PACS2: variants seen among roughly 807,000 people sequenced by gnomAD.
The protein encoded by PACS2 is PACS1-like protein.
In PACS2, 36 loss-of-function variants were observed where a neutral mutation model predicts 113.0. That is an observed-to-expected ratio of 0.32 (90% confidence interval 0.24 to 0.42). The LOEUF (loss-of-function observed/expected upper bound fraction) is 0.42. Ranked by LOEUF, PACS2 falls within the 10% of genes least tolerant of loss-of-function variation. The pLI, the probability that PACS2 is intolerant of heterozygous loss-of-function variation, is 1.00. For missense variants in PACS2, 1,015 were observed against 1,239.5 expected (o/e 0.82, Z 2.72); for synonymous variants, 589 against 536.1 (o/e 1.10, Z -1.36).
intron 1 of PACS2, chr14:105,336,560 G>A (rs2059529475): frequency 6.6e-6 from 1 of 152,606 alleles, no homozygotes; most frequent in African/African-American, 2.4e-5. Flanking sequence ...GACAGGGCTG[G>A]GGCAGGCGGC....
chr14:105,386,850 G>A (rs1052331198), intron 19 of PACS2, among the ~76,000 whole-genome samples: 6 of 152,298 alleles, frequency 3.9e-5, no homozygotes, highest in East Asian at 1.9e-4. Flanking sequence ...AAGACCAGCC[G>A]TGGGGGCCTC....
Position 105,357,385 on chromosome 14 carries a change from G to A in PACS2, c.423+2208G>A, listed in dbSNP as rs1393746219. ...GTTCCAGTGCCCTGCCCCTGAGCCT[G>A]TGGCCCCCACCCCAAGGCTCCCTCG... is the stretch of plus-strand genomic sequence containing the variant. On this transcript the variant is annotated intron_variant, in intron 4 of 24. Transcript: ENST00000447393. This position sits in a 1 kb window ranked among gnomAD's most constrained non-coding sequence, Gnocchi z 5.1. 2.0e-5 allele frequency among the ~76,000 whole-genome samples: 3 copies of A among 151,982 alleles called. No homozygotes were observed. Among genetic ancestry groups the A allele is most frequent in the Non-Finnish European group, 4.4e-5 (3 of 68,018 alleles).
intron 8 of PACS2, among the ~76,000 whole-genome samples, chr14:105,374,154 C>CA (rs113355593): frequency 0.12 from 9,823 of 81,436 alleles, 688 homozygotes; most frequent in African/African-American, 0.27. Context: ...GACTCTGTCT[C>CA]AAAAAAAAAA....
intron 8 of PACS2, chr14:105,371,601 C>G (rs1555409408): frequency 6.6e-6 from 1 of 152,154 alleles, no homozygotes. Context: ...CTGAAAAGAC[C>G]AGACCATCTC....
At chr14:105,307,952 G>A (rs373674611) in intron 1 of PACS2, among the ~76,000 whole-genome samples, 3 of 152,218 alleles carry the variant, frequency 2.0e-5, no homozygotes, top group Admixed American at 2.0e-4. Flanking sequence ...GGAGGCAGAG[G>A]TGGGAGGATA....
In PACS2 at chr14:105,391,869, T is replaced by G; in HGVS notation, c.2255+103T>G. On this transcript the variant is annotated intron_variant, in intron 22 of 24. Coordinates refer to ENST00000447393, the MANE Select transcript of PACS2 (RefSeq NM_001100913.3). ...TGTCACATCCACCTCCCAGGGCACCTGGCCTGTCAGCCACGAAGGCGGAGG... is the reference window on the plus strand; with the variant it reads ...TGTCACATCCACCTCCCAGGGCACCGGGCCTGTCAGCCACGAAGGCGGAGG... 3.2e-6 allele frequency: 4 copies of G among 1,244,656 alleles called. No homozygotes were observed. The East Asian group carries it at 1.1e-4, about 34-fold the overall frequency. 77.1% of individuals were successfully genotyped at this position (1,244,656 alleles called of 1,614,324 possible).
At chr14:105,383,197 T>G in intron 15 of PACS2, 162 bp from the exon 16 acceptor site, 1 of 812,978 alleles carries the variant, frequency 1.2e-6, no homozygotes, top group Non-Finnish European at 2.1e-6. Flanking sequence ...CCTGGGCACG[T>G]TTGGGCATGT....
At chr14:105,331,439 C>T (rs587703359) in intron 1 of PACS2, among the ~76,000 whole-genome samples, 2 of 152,184 alleles carry the variant, frequency 1.3e-5, no homozygotes, top group Admixed American at 1.3e-4. Context: ...ATTTTTGAGA[C>T]AGGTTCTCAC....
In PACS2 at chr14:105,382,803, C is replaced by T; in HGVS notation, c.1519-4C>T. 3 of 1,574,134 alleles carry T rather than the reference C, an allele frequency of 1.9e-6. No individual in the cohort carries two copies. The highest frequency in any genetic ancestry group is 1.7e-6 in the Non-Finnish European group (2 of 1,152,936). On this transcript the variant is annotated splice_polypyrimidine_tract_variant and splice_region_variant and intron_variant, in intron 14 of 24. Coordinates refer to ENST00000447393, the MANE Select transcript of PACS2 (RefSeq NM_001100913.3). ...GAAGTCAGCGTCTGCCTGTCTTCTG[C>T]CAGTTCCTCTCCGACGTCCTGCAGA...
In PACS2 at chr14:105,393,372, C is replaced by T. The variant is rs200682457; in HGVS notation, c.2596+37C>T. ...CGGCCCCGGGGTCTGTAGAGTGGGA[C>T]GTAGGTGAGAGCACAGCAAGGCTGC... On this transcript the variant is annotated intron_variant, in intron 24 of 24. Coordinates refer to ENST00000447393, the MANE Select transcript of PACS2 (RefSeq NM_001100913.3). The T allele has an allele frequency of 3.1e-5, 44 of 1,436,244 alleles. No individual in the cohort carries two copies. The East Asian group carries it at 7.7e-4, about 25-fold the overall frequency. 89.0% of individuals were successfully genotyped at this position (1,436,244 alleles called of 1,614,324 possible).
intron 11 of PACS2, among the ~76,000 whole-genome samples, chr14:105,380,661 C>G (rs1248010148): frequency 6.6e-6 from 1 of 152,206 alleles, no homozygotes; most frequent in African/African-American, 2.4e-5. Context: ...CCCAGGAACG[C>G]CTGGTTCCCC....
chr14:105,345,554 T>G (rs1555402451), intron 1 of PACS2, among the ~76,000 whole-genome samples: 1 of 152,252 alleles, frequency 6.6e-6, no homozygotes, highest in African/African-American at 2.4e-5. Context: ...TACATTCCAT[T>G]CAGAGTGTTC....
intron 20 of PACS2, 66 bp from the exon 21 acceptor site, chr14:105,391,141 C>T: frequency 7.8e-7 from 1 of 1,289,246 alleles, no homozygotes; most frequent in Non-Finnish European, 1.1e-6. Flanking sequence ...GCGGGAGCCC[C>T]ACTGGGAGGG....
chr14:105,369,518 T>G (rs1221775637), intron 7 of PACS2, among the ~76,000 whole-genome samples: 4 of 152,172 alleles, frequency 2.6e-5, no homozygotes, highest in African/African-American at 7.2e-5. Flanking sequence ...ACCTTCCTTC[T>G]GGGGTCGGCC....
chr14:105,338,148 T>C (rs868916562), intron 1 of PACS2, among the ~76,000 whole-genome samples: 3 of 151,710 alleles, frequency 2.0e-5, no homozygotes, highest in South Asian at 2.1e-4. Context: ...AGCGGGGGAG[T>C]GACCTGCGGA....
At chr14:105,352,940 T>C (rs1406025041) in intron 3 of PACS2, among the ~76,000 whole-genome samples, 57 of 32,448 alleles carry the variant, frequency 1.8e-3, no homozygotes, top group Admixed American at 7.9e-3. Context: ...TGGGCCCCCC[T>C]CATCAGTGTC....
At chr14:105,342,268 GTGTC>G (rs1371526515) in intron 1 of PACS2, among the ~76,000 whole-genome samples, 2 of 151,054 alleles carry the variant, frequency 1.3e-5, no homozygotes, top group African/African-American at 4.9e-5. Context: ...GTGTGTGTGT[GTGTC>G]TATGTGTGAG....
intron 14 of PACS2, 110 bp from the exon 15 acceptor site, chr14:105,382,697 C>A: frequency 1.1e-6 from 1 of 932,728 alleles, no homozygotes; most frequent in Non-Finnish European, 1.7e-6. Flanking sequence ...CTGTGGTTTG[C>A]CTGGACGTGC....
At chr14:105,303,968 C>A (rs144095789) in intron 1 of PACS2, among the ~76,000 whole-genome samples, 20 of 152,336 alleles carry the variant, frequency 1.3e-4, no homozygotes, top group Middle Eastern at 6.8e-3. Flanking sequence ...CAATCTGAGG[C>A]CATGTGGCCA....
Sources: allele counts gnomAD v4.1 joint callset (sites outside exome capture counted in the v4.1 genomes callset), GRCh38; gene constraint gnomAD v4.1.1; non-coding constraint Gnocchi (gnomAD v3.1); transcripts MANE v1.5; gene names NCBI Gene and HGNC (gene_info 2026-07-23, HGNC 2026-07-21).